The following NXPE2 variants were observed in gnomAD, a reference collection of about 807,000 sequenced individuals.
NXPE2 encodes the protein neurexophilin and PC-esterase domain family member 2.
In NXPE2, 34 loss-of-function variants were observed where a neutral mutation model predicts 34.4. That is an observed-to-expected ratio of 0.99 (90% confidence interval 0.75 to 1.31). The LOEUF (loss-of-function observed/expected upper bound fraction) is 1.31, where lower values mean the gene tolerates loss of function less well. Among genes scored for constraint, NXPE2 ranks in the 40% most tolerant of loss-of-function variants. NXPE2 has a pLI of 0.00. For missense variants in NXPE2, 649 were observed against 672.5 expected, an observed-to-expected ratio of 0.97 and a Z score of 0.39; for synonymous variants, 235 against 231.3, an observed-to-expected ratio of 1.02 and a Z score of -0.15.
At chr11:114,531,398 C>T in the NXPE2 span, among the ~76,000 whole-genome samples, 1 of 152,166 alleles carries the variant, frequency 6.6e-6, no homozygotes, top group African/African-American at 2.4e-5. Flanking sequence ...CGTCATTTAT[C>T]TCCTGGATTA....
the NXPE2 span, among the ~76,000 whole-genome samples, chr11:114,724,128 C>T: frequency 1.6e-4 from 24 of 152,160 alleles, no homozygotes; most frequent in Admixed American, 6.6e-5. Flanking sequence ...CCATTATAGT[C>T]TCCATTTGAC....
At chr11:114,513,684 T>C in the NXPE2 span, among the ~76,000 whole-genome samples, 2 of 152,146 alleles carry the variant, frequency 1.3e-5, no homozygotes, top group African/African-American at 4.8e-5. Context: ...TAAAAACCCA[T>C]TTAAAAAACC....
the NXPE2 span, among the ~76,000 whole-genome samples, chr11:114,599,706 C>T: frequency 2.3e-3 from 345 of 152,080 alleles, 1 homozygote; most frequent in Non-Finnish European, 3.9e-3. Context: ...CATGAGTTTG[C>T]GGGAGGGGCT....
the NXPE2 span, among the ~76,000 whole-genome samples, chr11:114,812,960 T>C: frequency 6.6e-6 from 1 of 152,168 alleles, no homozygotes; most frequent in Non-Finnish European, 1.5e-5. Context: ...GCCAAGCTCC[T>C]GGGCTTATGG....
the NXPE2 span, among the ~76,000 whole-genome samples, chr11:114,660,411 C>T: frequency 6.6e-6 from 1 of 151,874 alleles, no homozygotes; most frequent in Non-Finnish European, 1.5e-5. Context: ...GATAATATAT[C>T]CTGACAAAGT....
chr11:114,792,498 C>T, the NXPE2 span, among the ~76,000 whole-genome samples: 1 of 152,206 alleles, frequency 6.6e-6, no homozygotes, highest in African/African-American at 2.4e-5. Flanking sequence ...TACAAATCAG[C>T]TCTTCTAGAT....
At chr11:114,608,578 C>G in the NXPE2 span, among the ~76,000 whole-genome samples, 4 of 150,172 alleles carry the variant, frequency 2.7e-5, no homozygotes, top group Admixed American at 2.7e-4. Flanking sequence ...CACTGATACC[C>G]ACTGGATAAT....
chr11:114,493,937 T>A, the NXPE2 span, among the ~76,000 whole-genome samples: 1 of 152,136 alleles, frequency 6.6e-6, no homozygotes, highest in Non-Finnish European at 1.5e-5. Context: ...AGTCTTAGTT[T>A]CTCCTTCATA....
At chr11:114,559,864 T>C in the NXPE2 span, 2 of 152,412 alleles carry the variant, frequency 1.3e-5, no homozygotes, top group African/African-American at 4.8e-5. Context: ...CTGGCTCTTG[T>C]GGCTGTGTAA....
chr11:114,479,785 G>C, the NXPE2 span, among the ~76,000 whole-genome samples: 1 of 152,110 alleles, frequency 6.6e-6, no homozygotes, highest in African/African-American at 2.4e-5. Flanking sequence ...ATTTTGCATA[G>C]CTATAAAGGA....
the NXPE2 span, among the ~76,000 whole-genome samples, chr11:114,724,623 G>A: frequency 6.6e-6 from 1 of 151,972 alleles, no homozygotes; most frequent in Admixed American, 6.6e-5. Context: ...TCACTCCAAA[G>A]TCTTCTACTA....
intron 3 of NXPE2, 34 bp downstream of exon 3, chr11:114,698,812 A>C (rs1311890002): frequency 7.6e-6 from 11 of 1,452,588 alleles, no homozygotes; most frequent in Non-Finnish European, 1.0e-5. Flanking sequence ...AGCAGATAAA[A>C]AGAGGTATCC....
At chr11:114,640,306 T>C in the NXPE2 span, among the ~76,000 whole-genome samples, 1 of 146,226 alleles carries the variant, frequency 6.8e-6, no homozygotes, top group East Asian at 1.9e-4. Flanking sequence ...TAAATTTTTA[T>C]ATATTTATAT....
upstream of NXPE2, among the ~76,000 whole-genome samples, chr11:114,674,498 CA>C (rs1382062791): frequency 2.6e-5 from 4 of 151,052 alleles, no homozygotes; most frequent in Non-Finnish European, 1.5e-5. Context: ...ATGTTTTATG[CA>C]AACCTCATGG....
the NXPE2 span, among the ~76,000 whole-genome samples, chr11:114,611,205 G>A: frequency 6.6e-6 from 1 of 151,704 alleles, no homozygotes; most frequent in African/African-American, 2.4e-5. Flanking sequence ...TGGATAATAA[G>A]TAGTACTGCA....
the NXPE2 span, chr11:114,594,620 C>G: frequency 2.3e-6 from 3 of 1,302,966 alleles, no homozygotes; most frequent in Non-Finnish European, 3.3e-6. Context: ...AGGTAATAAG[C>G]AAAAATAAGC....
the NXPE2 span, among the ~76,000 whole-genome samples, chr11:114,769,017 C>A: frequency 6.6e-6 from 1 of 151,964 alleles, no homozygotes; most frequent in African/African-American, 2.4e-5. Flanking sequence ...TCAGAGTGAA[C>A]AGGCAACCTA....
At chr11:114,510,414 T>C in the NXPE2 span, among the ~76,000 whole-genome samples, 1 of 152,136 alleles carries the variant, frequency 6.6e-6, no homozygotes, top group Non-Finnish European at 1.5e-5. Context: ...TTAATTTTTT[T>C]TCATAGAGAT....
the NXPE2 span, among the ~76,000 whole-genome samples, chr11:114,510,956 A>C: frequency 6.6e-6 from 1 of 152,190 alleles, no homozygotes; most frequent in African/African-American, 2.4e-5. Context: ...AACTTGATTT[A>C]AAAACTGTAC....
Sources: allele counts gnomAD v4.1 joint callset (sites outside exome capture counted in the v4.1 genomes callset), GRCh38; gene constraint gnomAD v4.1.1; transcripts MANE v1.5; gene names NCBI Gene and HGNC (gene_info 2026-07-23, HGNC 2026-07-21).